The following ACTC1 variants were observed in gnomAD, a reference collection of about 807,000 sequenced individuals.
ACTC1 encodes the protein actin, alpha cardiac muscle 1.
Under a neutral mutation model 31.6 loss-of-function variants are expected in ACTC1, and 10 were observed. That is an observed-to-expected ratio of 0.32 (90% CI 0.19 to 0.54). ACTC1 has a LOEUF of 0.54. Ranked by LOEUF, ACTC1 falls within the 20% of genes least tolerant of loss-of-function variation. ACTC1 has a pLI of 0.95. For synonymous variants in ACTC1, 196 were observed against 185.0 expected, an observed-to-expected ratio of 1.06 and a Z score of -0.48; for missense variants, 129 against 506.4, an observed-to-expected ratio of 0.25 and a Z score of 7.15.
chr15:34,794,196 C>T (rs115586078), intron 2 of ACTC1, among the ~76,000 whole-genome samples: 3,493 of 152,284 alleles, frequency 0.023, 146 homozygotes, highest in African/African-American at 0.08. Flanking sequence ...GCCTCTGTCA[C>T]GCCTGGCTTC....
chr15:34,790,375 C>T lies in ACTC1; in HGVS notation c.*37G>A, dbSNP rs1891677743. 2 of 1,611,984 alleles carry T rather than the reference C, an allele frequency of 1.2e-6. No individual in the cohort carries two copies. Among genetic ancestry groups the T allele is most frequent in the Non-Finnish European group, 1.7e-6 (2 of 1,179,428 alleles). On this transcript the variant is annotated 3_prime_UTR_variant, in exon 7 of 7. Transcript: ENST00000290378. Reference sequence around the variant, plus strand: ...AAGACTCCAAGAAGCATAATACCGTCATCCTGACTGGAAGGTAGATGGAGA... The same window carrying T: ...AAGACTCCAAGAAGCATAATACCGTTATCCTGACTGGAAGGTAGATGGAGA...
rs1480127658 is a variant in ACTC1, at chr15:34,793,424, A to T, written c.275T>A (p.Phe92Tyr). Reference protein sequence around the residue: ...DDMEKIWHHTFYNELRVAPEE... With the variant: ...DDMEKIWHHTYYNELRVAPEE... ...GGGAGCCACACGGAGCTCATTGTAGAAGGTGTGGTGCCAGATCTTCTCCAT... is the reference window on the plus strand; with the variant it reads ...GGGAGCCACACGGAGCTCATTGTAGTAGGTGTGGTGCCAGATCTTCTCCAT... The change falls in exon 3 of 7, where the codon TTC becomes TAC. Residue 92 changes from phenylalanine to tyrosine, a missense_variant. Around this residue, in one of 5 missense-constraint regions of ACTC1, gnomAD observed 35 missense variants for 102.3 expected, o/e 0.34. Coordinates refer to ENST00000290378, the MANE Select transcript of ACTC1 (RefSeq NM_005159.5). This position sits in a 1 kb window ranked among gnomAD's most constrained non-coding sequence, Gnocchi z 4.8. 6.2e-7 allele frequency: 1 copy of T among 1,614,154 alleles called. No homozygotes were observed. Among genetic ancestry groups the T allele is most frequent in the Admixed American group, 1.7e-5 (1 of 60,020 alleles).
At chr15:34,791,371 CA>C (rs1300895748) in intron 5 of ACTC1, 76 bp from the exon 6 acceptor site, 3 of 1,560,864 alleles carry the variant, frequency 1.9e-6, no homozygotes, top group Non-Finnish European at 1.7e-6. Context: ...GCATTCAGGT[CA>C]AGGTAGAGGG....
chr15:34,791,322 C>CAG (rs750091318), intron 5 of ACTC1, 27 bp from the exon 6 acceptor site: 7 of 809,980 alleles, frequency 8.6e-6, no homozygotes, highest in Middle Eastern at 3.6e-4. Context: ...CACACACACA[C>CAG]ACACACACAC....
rs1377119622 is a variant in ACTC1, at chr15:34,795,520, GTCGGC to G, written c.-42_-38del. ...CGCTGACTCACCGTCGGCGGGGCGG[GTCGGC>G]TCGGCTCCGGCGGCAGCGGGCTCTG... is the stretch of plus-strand genomic sequence containing the variant. On this transcript the variant is annotated 5_prime_UTR_variant, in exon 1 of 7. Transcript: ENST00000290378. 6.5e-6 allele frequency: 1 copy of G among 152,866 alleles called. No homozygotes were observed. Among genetic ancestry groups the G allele is most frequent in the Non-Finnish European group, 1.5e-5 (1 of 68,644 alleles). The allele number at this position is 152,866 out of a possible 1,614,324, so 9.5% of individuals were successfully genotyped here. A position where few individuals can be genotyped will look rare whatever the true frequency, so the allele number is the denominator to read the frequency against.
intron 1 of ACTC1, 124 bp from the exon 2 acceptor site, chr15:34,794,954 A>G: frequency 1.1e-6 from 1 of 913,806 alleles, no homozygotes; most frequent in Non-Finnish European, 1.6e-6. Flanking sequence ...TTGGGCGGGG[A>G]ACACTCCTGC....
chr15:34,792,343 G>T lies in ACTC1; in HGVS notation c.617-62C>A. The T allele has an allele frequency of 6.2e-7, 1 of 1,613,910 alleles. No individual in the cohort carries two copies. The highest frequency in any genetic ancestry group is 8.5e-7 in the Non-Finnish European group (1 of 1,179,754). On this transcript the variant is annotated intron_variant, in intron 4 of 6. Coordinates refer to ENST00000290378, the MANE Select transcript of ACTC1 (RefSeq NM_005159.5). This position sits in a 1 kb window ranked among gnomAD's most constrained non-coding sequence, Gnocchi z 5.3. ...GCAAGAAGTCAATTATAGGGAGGTA[G>T]GCGGATTCAGTGAGAGAGGAGGAAA...
intron 5 of ACTC1, 38 bp from the exon 6 acceptor site, chr15:34,791,333 A>G: frequency 6.3e-7 from 1 of 1,579,412 alleles, no homozygotes; most frequent in South Asian, 1.1e-5. Flanking sequence ...ACACACACAC[A>G]CACACACACA....
At chr15:34,794,930 G>A in intron 1 of ACTC1, 100 bp from the exon 2 acceptor site, 2 of 879,162 alleles carry the variant, frequency 2.3e-6, no homozygotes, top group Non-Finnish European at 1.6e-6. Flanking sequence ...GGGTTGTGGG[G>A]ACTGGACAGG....
At position 34,793,244 on chromosome 15, in the gene ACTC1, C is replaced by T; in HGVS notation, c.454+1G>A. On this transcript the variant is annotated splice_donor_variant, in intron 3 of 6. Coordinates refer to ENST00000290378, the MANE Select transcript of ACTC1 (RefSeq NM_005159.5). LOFTEE classifies it high-confidence loss of function. The surrounding 1 kb of genome is among the most constrained non-coding windows in gnomAD (Gnocchi z 4.8). ...GTAACTGTCCCCAGAGCCCAGCATA[C>T]CTGTGGTACGGCCAGAAGCATACAG... The T allele has an allele frequency of 6.2e-7, 1 of 1,614,028 alleles. No homozygotes were observed. The highest frequency in any genetic ancestry group is 8.5e-7 in the Non-Finnish European group (1 of 1,179,940).
chr15:34,790,350 A>C lies in ACTC1; in HGVS notation c.*62T>G. ...TGAAAGATGAGGGAAGGTGGTTTGG[A>C]AGACTCCAAGAAGCATAATACCGTC... On this transcript the variant is annotated 3_prime_UTR_variant, in exon 7 of 7. Transcript: ENST00000290378. 6.3e-7 allele frequency: 1 copy of C among 1,597,696 alleles called. No homozygotes were observed. The highest frequency in any genetic ancestry group is 8.6e-7 in the Non-Finnish European group (1 of 1,166,998).
intron 1 of ACTC1, 90 bp from the exon 2 acceptor site, chr15:34,794,920 G>C: frequency 7.4e-7 from 1 of 1,349,114 alleles, no homozygotes; most frequent in Non-Finnish European, 1.0e-6. Flanking sequence ...GAGCAGAAGG[G>C]GGTTGTGGGG....
chr15:34,791,060 C>T, intron 6 of ACTC1, 54 bp downstream of exon 6: 2 of 1,507,438 alleles, frequency 1.3e-6, no homozygotes, highest in Non-Finnish European at 1.8e-6. Flanking sequence ...GAACGTAGTT[C>T]TGCTTAGAAT....
In ACTC1 at chr15:34,793,168, T is replaced by C. The variant is rs189851454; in HGVS notation, c.454+77A>G. On this transcript the variant is annotated intron_variant, in intron 3 of 6. Coordinates refer to ENST00000290378, the MANE Select transcript of ACTC1 (RefSeq NM_005159.5). The surrounding 1 kb of genome is among the most constrained non-coding windows in gnomAD (Gnocchi z 4.8). ...GGAAAGGGATTATCCCTTTTTCAAC[T>C]GGGGGATCTGATTCACAGCAAGGTC... The C allele has an allele frequency of 1.6e-5, 23 of 1,450,560 alleles. No homozygotes were observed. In the African/African-American group the frequency reaches 2.9e-4, roughly 18 times the overall value. The allele number at this position is 1,450,560 out of a possible 1,614,324, so 89.9% of individuals were successfully genotyped here.
Position 34,790,493 on chromosome 15 carries a change from CAG to C in ACTC1, c.1051_1052del (p.Leu351ValfsTer9). The C allele has an allele frequency of 6.2e-7, 1 of 1,614,130 alleles. No individual in the cohort carries two copies. The highest frequency in any genetic ancestry group is 8.5e-7 in the Non-Finnish European group (1 of 1,180,016). ...TAATCCACATTTGCTGGAAGGTGGA[CAG>C]AGAGGCCAGGATGGAGCCCCCAATC... is the stretch of plus-strand genomic sequence containing the variant. Reference protein sequence around the residue: ...VWIGGSILASLSTFQQMWISK... With the variant: ...VWIGGSILASXSTFQQMWISK... On this transcript the variant is annotated frameshift_variant, in exon 7 of 7. Coordinates refer to ENST00000290378, the MANE Select transcript of ACTC1 (RefSeq NM_005159.5). LOFTEE classifies it high-confidence loss of function.
chr15:34,795,209 G>A (rs1349449706), intron 1 of ACTC1, among the ~76,000 whole-genome samples: 1 of 152,118 alleles, frequency 6.6e-6, no homozygotes, highest in Non-Finnish European at 1.5e-5. Context: ...TGCCCCAGAT[G>A]GAGGGGAAAG....
At position 34,795,527 on chromosome 15, in the gene ACTC1, C is replaced by G. The variant is rs909469426; in HGVS notation, c.-44G>C. Reference sequence around the variant, plus strand: ...TCACCGTCGGCGGGGCGGGTCGGCTCGGCTCCGGCGGCAGCGGGCTCTGGG... The same window carrying G: ...TCACCGTCGGCGGGGCGGGTCGGCTGGGCTCCGGCGGCAGCGGGCTCTGGG... On this transcript the variant is annotated 5_prime_UTR_variant, in exon 1 of 7. Transcript: ENST00000290378. 1 of 152,458 alleles carries G rather than the reference C, an allele frequency of 6.6e-6. No individual in the cohort carries two copies. Among genetic ancestry groups the G allele is most frequent in the Non-Finnish European group, 1.5e-5 (1 of 68,520 alleles). The allele number at this position is 152,458 out of a possible 1,614,324, so 9.4% of individuals were successfully genotyped here. A position where few individuals can be genotyped will look rare whatever the true frequency, so the allele number is the denominator to read the frequency against.
At chr15:34,791,380 G>A in intron 5 of ACTC1, 85 bp from the exon 6 acceptor site, 4 of 1,550,502 alleles carry the variant, frequency 2.6e-6, no homozygotes, top group Non-Finnish European at 3.5e-6. Context: ...TCAAGGTAGA[G>A]GGAAGAGAAC....
chr15:34,793,697 G>T lies in ACTC1; in HGVS notation c.130-128C>A. The T allele has an allele frequency of 3.5e-6, 3 of 846,728 alleles. No individual in the cohort carries two copies. Among genetic ancestry groups the T allele is most frequent in the Non-Finnish European group, 3.8e-6 (2 of 526,706 alleles). The allele number at this position is 846,728 out of a possible 1,614,324, so 52.5% of individuals were successfully genotyped here. A position where few individuals can be genotyped will look rare whatever the true frequency, so the allele number is the denominator to read the frequency against. ...AAATACCAGAAATAACAAGCAATAC[G>T]ATTTTACCCCAATTTAGAAGAATTA... On this transcript the variant is annotated intron_variant, in intron 2 of 6. Coordinates refer to ENST00000290378, the MANE Select transcript of ACTC1 (RefSeq NM_005159.5). This position sits in a 1 kb window ranked among gnomAD's most constrained non-coding sequence, Gnocchi z 4.8.
Sources: allele counts gnomAD v4.1 joint callset (sites outside exome capture counted in the v4.1 genomes callset), GRCh38; gene constraint gnomAD v4.1.1; regional missense constraint gnomAD v4.1.1; non-coding constraint Gnocchi (gnomAD v3.1); transcripts MANE v1.5; gene names NCBI Gene and HGNC (gene_info 2026-07-23, HGNC 2026-07-21).